Variants in HSPA12A observed in about 807,000 individuals in gnomAD.
HSPA12A encodes the protein heat shock 70 kDa protein 12A.
A neutral mutation model predicts 69.2 loss-of-function variants in HSPA12A; 28 were observed. That is an observed-to-expected ratio of 0.40 (90% CI 0.30 to 0.55). HSPA12A has a LOEUF of 0.55. Ranked by LOEUF, HSPA12A falls within the 20% of genes least tolerant of loss-of-function variation. HSPA12A has a pLI of 0.38. For missense variants in HSPA12A, 686 were observed against 900.7 expected, an observed-to-expected ratio of 0.76 and a Z score of 3.05; for synonymous variants, 345 against 370.5, an observed-to-expected ratio of 0.93 and a Z score of 0.79.
At chr10:116,768,100 C>T (rs1331083297) in intron 2 of HSPA12A, among the ~76,000 whole-genome samples, 1 of 152,174 alleles carries the variant, frequency 6.6e-6, no homozygotes, top group Non-Finnish European at 1.5e-5. Context: ...GTAGAAACAA[C>T]CCAAGCATCC....
At chr10:116,743,877 A>T (rs1292975612), upstream of HSPA12A, among the ~76,000 whole-genome samples, 3 of 152,224 alleles carry the variant, frequency 2.0e-5, no homozygotes, top group African/African-American at 7.2e-5. Flanking sequence ...AAGTTATTTA[A>T]CCTATCTGAG....
At chr10:116,780,185 G>A (rs536987933) in intron 2 of HSPA12A, among the ~76,000 whole-genome samples, 2 of 152,260 alleles carry the variant, frequency 1.3e-5, no homozygotes, top group African/African-American at 2.4e-5. Flanking sequence ...CACCATACCT[G>A]GAGCTAGTCT....
intron 2 of HSPA12A, among the ~76,000 whole-genome samples, chr10:116,821,224 G>GA (rs1845404977): frequency 2.0e-5 from 3 of 152,214 alleles, no homozygotes; most frequent in Non-Finnish European, 4.4e-5. Flanking sequence ...CCACCTCAGA[G>GA]GAGAAGCTGG....
intron 2 of HSPA12A, among the ~76,000 whole-genome samples, chr10:116,774,561 T>C (rs1844289796): frequency 6.6e-6 from 1 of 152,080 alleles, no homozygotes; most frequent in Non-Finnish European, 1.5e-5. Flanking sequence ...AATAAAGAAA[T>C]GTCAATGGTG....
At chr10:116,757,253 C>G (rs1554888859) in intron 2 of HSPA12A, among the ~76,000 whole-genome samples, 1 of 152,152 alleles carries the variant, frequency 6.6e-6, no homozygotes, top group Non-Finnish European at 1.5e-5. Flanking sequence ...TGAATTGGCA[C>G]GTTAGTGTTA....
exon 1 of HSPA12A, chr10:116,849,705 C>G: frequency 6.5e-7 from 1 of 1,538,118 alleles, no homozygotes; most frequent in African/African-American, 1.4e-5. Flanking sequence ...CTTCTACCTC[C>G]AGCCTGCCGA....
intron 6 of HSPA12A, among the ~76,000 whole-genome samples, chr10:116,691,261 C>T (rs1379309079): frequency 2.6e-5 from 4 of 152,100 alleles, no homozygotes; most frequent in African/African-American, 7.2e-5. Flanking sequence ...CTTGACTGCA[C>T]GCAAGTTGAA....
intron 1 of HSPA12A, among the ~76,000 whole-genome samples, chr10:116,713,260 A>G (rs897415365): frequency 2.0e-5 from 3 of 151,920 alleles, no homozygotes; most frequent in Admixed American, 6.6e-5. Flanking sequence ...CTAATGCATT[A>G]TTACTGTAAG....
chr10:116,705,139 C>A lies in HSPA12A; in HGVS notation c.254+12G>T. Reference sequence around the variant, plus strand: ...GCACCAGCCACGTGGCCCTCCCACCCACAGCACTCACCTCATCACATGGAT... The same window carrying A: ...GCACCAGCCACGTGGCCCTCCCACCAACAGCACTCACCTCATCACATGGAT... On this transcript the variant is annotated intron_variant, in intron 3 of 11. Coordinates refer to ENST00000369209, the MANE Select transcript of HSPA12A (RefSeq NM_025015.3). 1 of 1,613,922 alleles carries A rather than the reference C, an allele frequency of 6.2e-7. No individual in the cohort carries two copies. The highest frequency in any genetic ancestry group is 8.5e-7 in the Non-Finnish European group (1 of 1,179,890).
At chr10:116,687,536 G>A (rs892277163) in intron 6 of HSPA12A, among the ~76,000 whole-genome samples, 2 of 152,124 alleles carry the variant, frequency 1.3e-5, no homozygotes, top group African/African-American at 2.4e-5. Context: ...AACTGCTGTG[G>A]ACTCCGAGAA....
intron 2 of HSPA12A, among the ~76,000 whole-genome samples, chr10:116,812,240 G>T: frequency 6.6e-6 from 1 of 151,978 alleles, no homozygotes; most frequent in East Asian, 1.9e-4. Flanking sequence ...ATCACCTGAG[G>T]TCAGGAGTTT....
upstream of HSPA12A, among the ~76,000 whole-genome samples, chr10:116,746,859 T>C (rs2133079677): frequency 1.3e-5 from 2 of 152,354 alleles, 1 homozygote; most frequent in South Asian, 4.1e-4. Context: ...AACACTGATA[T>C]GAGTTCATAT....
At chr10:116,849,861 T>A (rs972729910), upstream of HSPA12A, 17 of 1,073,382 alleles carry the variant, frequency 1.6e-5, no homozygotes, top group East Asian at 3.7e-4. Flanking sequence ...TGGGCCTGCG[T>A]GTGCGGAGGA....
At position 116,675,194 on chromosome 10, in the gene HSPA12A, C is replaced by A; in HGVS notation, c.1615G>T (p.Val539Leu). 6.2e-7 allele frequency: 1 copy of A among 1,613,768 alleles called. No individual in the cohort carries two copies. Among genetic ancestry groups the A allele is most frequent in the Non-Finnish European group, 8.5e-7 (1 of 1,180,034 alleles). Residue 539 changes from valine to leucine, a missense_variant, in exon 12 of 12, where the codon GTA (valine) becomes TTA (leucine). Physicochemically the swap from Val to Leu is conservative, Grantham distance 32. Transcript: ENST00000369209. This position sits in a 1 kb window ranked among gnomAD's most constrained non-coding sequence, Gnocchi z 5.2. ...KVRRSPLTYGVGVLNRYVEGK... is the reference protein window; with the variant it reads ...KVRRSPLTYGLGVLNRYVEGK... ...TCCACGTAGCGGTTCAGCACGCCTA[C>A]CCCGTAGGTGAGCGGCGACCGGCGC...
intron 2 of HSPA12A, among the ~76,000 whole-genome samples, chr10:116,766,054 C>A (rs1844070498): frequency 6.6e-6 from 1 of 152,212 alleles, no homozygotes; most frequent in Non-Finnish European, 1.5e-5. Flanking sequence ...CTCCCTCTCA[C>A]CATTCGGCCA....
chr10:116,821,025 T>A (rs575381731), intron 2 of HSPA12A, among the ~76,000 whole-genome samples: 1 of 152,240 alleles, frequency 6.6e-6, no homozygotes, highest in South Asian at 2.1e-4. Context: ...TGTCTGCTTC[T>A]CACCCCTCCA....
chr10:116,849,742 G>C, upstream of HSPA12A: 1 of 1,503,344 alleles, frequency 6.7e-7, no homozygotes, highest in South Asian at 1.3e-5. Flanking sequence ...GTAGGGACCT[G>C]GGACAAGCGC....
chr10:116,753,537 G>A (rs1843755055), intron 2 of HSPA12A, among the ~76,000 whole-genome samples: 1 of 152,134 alleles, frequency 6.6e-6, no homozygotes, highest in Non-Finnish European at 1.5e-5. Context: ...TATTCTTCCT[G>A]CCTCATCCTG....
At chr10:116,715,308 C>T (rs899938108) in intron 1 of HSPA12A, among the ~76,000 whole-genome samples, 22 of 152,216 alleles carry the variant, frequency 1.4e-4, no homozygotes, top group African/African-American at 4.8e-4. Context: ...CACACATCAA[C>T]TCCAGTAAAT....
Sources: gnomAD v4.1 joint callset for allele counts (sites outside exome capture counted in the v4.1 genomes callset) on GRCh38, gnomAD v4.1.1 for gene constraint, Gnocchi (gnomAD v3.1) non-coding constraint, MANE v1.5 for transcripts, NCBI Gene and HGNC (gene_info 2026-07-23, HGNC 2026-07-21) for gene names.